The following KIAA1217 variants were observed in gnomAD, a reference collection of about 807,000 sequenced individuals.
The protein encoded by KIAA1217 is KIAA1217, also known as sickle tail protein homolog.
A neutral mutation model predicts 163.9 loss-of-function variants in KIAA1217; 88 were observed. The observed-to-expected ratio is 0.54, with a 90% CI of 0.45 to 0.64. KIAA1217 has a LOEUF of 0.64. KIAA1217 is among the 30% of genes least tolerant of loss of function. The pLI is 0.00. For missense variants in KIAA1217, 2,372 were observed against 2,475.0 expected (o/e 0.96, Z 0.88); for synonymous variants, 903 against 923.1 (o/e 0.98, Z 0.39).
At chr10:24,287,128 G>T (rs1037384976) in intron 2 of KIAA1217, among the ~76,000 whole-genome samples, 3 of 151,988 alleles carry the variant, frequency 2.0e-5, no homozygotes, top group African/African-American at 7.3e-5. Context: ...TCGGCTCACT[G>T]CAACCTCCAC....
At chr10:23,803,803 C>T (rs1328859859) in intron 1 of KIAA1217, among the ~76,000 whole-genome samples, 1 of 152,134 alleles carries the variant, frequency 6.6e-6, no homozygotes, top group South Asian at 2.1e-4. Context: ...GGAAGAAACA[C>T]ATCTCAAATT....
At chr10:23,901,991 C>T (rs1288807598) in intron 1 of KIAA1217, among the ~76,000 whole-genome samples, 1 of 149,652 alleles carries the variant, frequency 6.7e-6, no homozygotes, top group African/African-American at 2.5e-5. Flanking sequence ...ATCCAGATTA[C>T]AAAATTGAGC....
intron 2 of KIAA1217, among the ~76,000 whole-genome samples, chr10:24,082,680 A>C (rs182804651): frequency 6.6e-6 from 1 of 152,258 alleles, no homozygotes; most frequent in East Asian, 1.9e-4. Flanking sequence ...CATCTTTGCT[A>C]TTGTGAATAG....
intron 2 of KIAA1217, among the ~76,000 whole-genome samples, chr10:24,290,833 C>T (rs575529209): frequency 3.3e-5 from 5 of 152,152 alleles, no homozygotes; most frequent in Non-Finnish European, 7.4e-5. Context: ...AACTCCTGAC[C>T]TCAGGTGCTC....
intron 1 of KIAA1217, among the ~76,000 whole-genome samples, chr10:23,957,220 C>T (rs1168599253): frequency 6.6e-6 from 1 of 152,128 alleles, no homozygotes; most frequent in Admixed American, 6.5e-5. Flanking sequence ...GTGTGCCTGG[C>T]CAGTATCCCC....
chr10:23,860,583 C>A (rs1839904804), intron 1 of KIAA1217, among the ~76,000 whole-genome samples: 1 of 152,094 alleles, frequency 6.6e-6, no homozygotes, highest in Admixed American at 6.5e-5. Flanking sequence ...TCATTTCTTT[C>A]TTCCTTTATG....
At chr10:24,214,201 GGAT>G (rs1275713015) in intron 1 of KIAA1217, among the ~76,000 whole-genome samples, 2 of 152,200 alleles carry the variant, frequency 1.3e-5, no homozygotes, top group African/African-American at 2.4e-5. Flanking sequence ...GAAAACTGAG[GGAT>G]GCTGTAGGAT....
At chr10:24,506,288 A>G (rs944498176) in intron 9 of KIAA1217, among the ~76,000 whole-genome samples, 20 of 152,222 alleles carry the variant, frequency 1.3e-4, no homozygotes, top group Admixed American at 2.0e-4. Context: ...TCACTGCTAG[A>G]CAGCAAAATC....
intron 1 of KIAA1217, among the ~76,000 whole-genome samples, chr10:23,725,804 A>G (rs963595215): frequency 3.9e-5 from 6 of 152,218 alleles, no homozygotes. Flanking sequence ...TTATAAATTG[A>G]GCACAATTGG....
intron 2 of KIAA1217, among the ~76,000 whole-genome samples, chr10:24,187,577 G>T (rs570523129): frequency 6.6e-6 from 1 of 152,300 alleles, no homozygotes; most frequent in East Asian, 1.9e-4. Context: ...TTTCTTTGAA[G>T]TCCAGCATTT....
In KIAA1217 at chr10:24,040,983, C is replaced by T. The variant is rs80344281; in HGVS notation, c.-171+33609C>T. Among the ~76,000 whole-genome samples, 413 of 152,312 alleles carry T rather than the reference C, an allele frequency of 2.7e-3. 3 individuals are homozygous for T. Among genetic ancestry groups the T allele is most frequent in the African/African-American group, 9.3e-3 (386 of 41,572 alleles). Reference sequence around the variant, plus strand: ...AGGGTAACTTGCCCAGGACTGGGCCCACATTTAGAATTTAGAGGTAACTCC... The same window carrying T: ...AGGGTAACTTGCCCAGGACTGGGCCTACATTTAGAATTTAGAGGTAACTCC... On this transcript the variant is annotated intron_variant, in intron 2 of 18. Coordinates refer to the KIAA1217 transcript ENST00000376462.
At chr10:24,258,307 T>C (rs2075369014) in intron 2 of KIAA1217, among the ~76,000 whole-genome samples, 1 of 152,082 alleles carries the variant, frequency 6.6e-6, no homozygotes, top group South Asian at 2.1e-4. Context: ...CCCAAACGCA[T>C]AGATACACAC....
intron 2 of KIAA1217, among the ~76,000 whole-genome samples, chr10:24,169,044 G>A (rs2065492602): frequency 6.6e-6 from 1 of 152,212 alleles, no homozygotes; most frequent in African/African-American, 2.4e-5. Context: ...AACCAGGCAG[G>A]AAGTGCAGTT....
intron 2 of KIAA1217, among the ~76,000 whole-genome samples, chr10:24,195,964 A>G (rs2066965851): frequency 6.6e-6 from 1 of 150,900 alleles, no homozygotes; most frequent in South Asian, 2.1e-4. Flanking sequence ...TTCCATGTCT[A>G]CAGAAATTTT....
chr10:24,251,882 G>T (rs6482379), intron 2 of KIAA1217, among the ~76,000 whole-genome samples: 106,655 of 145,502 alleles, frequency 0.73, 39,270 homozygotes, highest in Admixed American at 0.79. Context: ...AAAAAAAAAG[G>T]GGCGGGGAGC....
chr10:24,469,278 T>G (rs2063251271), intron 5 of KIAA1217, among the ~76,000 whole-genome samples: 2 of 151,226 alleles, frequency 1.3e-5, no homozygotes, highest in Admixed American at 6.6e-5. Flanking sequence ...GCGCATGCAC[T>G]GCGCCTGGCT....
intron 2 of KIAA1217, among the ~76,000 whole-genome samples, chr10:24,012,740 C>A (rs1847291840): frequency 6.6e-6 from 1 of 152,100 alleles, no homozygotes; most frequent in African/African-American, 2.4e-5. Context: ...TAGAAGTACC[C>A]TGTAGAGACA....
intron 2 of KIAA1217, among the ~76,000 whole-genome samples, chr10:24,314,861 G>A (rs1401906838): frequency 2.0e-5 from 3 of 152,028 alleles, no homozygotes; most frequent in South Asian, 2.1e-4. Context: ...GGAGAATGGC[G>A]TGAACCCAGG....
chr10:24,109,277 G>T (rs1041333695), intron 2 of KIAA1217, among the ~76,000 whole-genome samples: 1 of 152,124 alleles, frequency 6.6e-6, no homozygotes, highest in Non-Finnish European at 1.5e-5. Flanking sequence ...ATGGAAAGAC[G>T]CTAACTCTTT....
Sources: gnomAD v4.1 joint callset for allele counts (sites outside exome capture counted in the v4.1 genomes callset) on GRCh38, gnomAD v4.1.1 for gene constraint, MANE v1.5 for transcripts, NCBI Gene and HGNC (gene_info 2026-07-23, HGNC 2026-07-21) for gene names.